Variants in TMEM178B observed in about 807,000 individuals in gnomAD.
The protein encoded by TMEM178B is transmembrane protein 178B.
In TMEM178B, 5 loss-of-function variants were observed where a neutral mutation model predicts 31.0. The observed-to-expected ratio is 0.16, with a 90% CI of 0.08 to 0.34. TMEM178B has a LOEUF of 0.34. TMEM178B is among the 10% of genes least tolerant of loss of function. TMEM178B has a pLI of 1.00. For synonymous variants in TMEM178B, 164 were observed against 164.0 expected, an observed-to-expected ratio of 1.00 and a Z score of 0.00; for missense variants, 275 against 400.3, an observed-to-expected ratio of 0.69 and a Z score of 2.67.
intron 1 of TMEM178B, among the ~76,000 whole-genome samples, chr7:141,136,790 C>G (rs939427209): frequency 1.3e-5 from 2 of 152,164 alleles, no homozygotes; most frequent in East Asian, 3.9e-4. Flanking sequence ...TGCTTGAGCC[C>G]AGGAGTTCAA....
chr7:141,363,647 T>G (rs1349143152), intron 2 of TMEM178B, among the ~76,000 whole-genome samples: 1 of 152,204 alleles, frequency 6.6e-6, no homozygotes, highest in African/African-American at 2.4e-5. Flanking sequence ...CTGTCCTTCG[T>G]TTATCTTCAG....
At chr7:141,448,799 C>G (rs1801808424) in intron 3 of TMEM178B, among the ~76,000 whole-genome samples, 1 of 152,160 alleles carries the variant, frequency 6.6e-6, no homozygotes, top group African/African-American at 2.4e-5. Context: ...CCCCGACACC[C>G]TGAGGTCTCC....
At chr7:141,447,086 C>T (rs879372593) in intron 3 of TMEM178B, among the ~76,000 whole-genome samples, 3 of 151,990 alleles carry the variant, frequency 2.0e-5, no homozygotes, top group African/African-American at 4.8e-5. Context: ...CAGACACTGT[C>T]GAGGCACCTA....
chr7:141,159,559 CGACA>C lies in TMEM178B; in HGVS notation c.383-53027_383-53024del, dbSNP rs762474919. ...AGGCGGAAGCAACCCACGTGTTCAC[CGACA>C]GACAAATGGATAAACAAAATGTGGC... On this transcript the variant is annotated intron_variant, in intron 1 of 3. Coordinates refer to ENST00000565468, the MANE Select transcript of TMEM178B (RefSeq NM_001195278.2). 6.5e-4 allele frequency among the ~76,000 whole-genome samples: 99 copies of C among 152,210 alleles called. 1 individual carries two copies. In the East Asian group the frequency reaches 0.015, roughly 23 times the overall value.
At chr7:141,221,432 A>G (rs1797255172) in intron 2 of TMEM178B, among the ~76,000 whole-genome samples, 1 of 152,252 alleles carries the variant, frequency 6.6e-6, no homozygotes, top group African/African-American at 2.4e-5. Context: ...ACCTGCATCA[A>G]TAAAGTCAGT....
chr7:141,410,577 G>T (rs1270561547), intron 2 of TMEM178B, among the ~76,000 whole-genome samples: 1 of 148,946 alleles, frequency 6.7e-6, no homozygotes, highest in Admixed American at 6.7e-5. Flanking sequence ...CCCAGGTCAG[G>T]GTAATGGGTT....
chr7:141,150,882 A>G (rs1795962201), intron 1 of TMEM178B, among the ~76,000 whole-genome samples: 1 of 152,174 alleles, frequency 6.6e-6, no homozygotes, highest in Non-Finnish European at 1.5e-5. Flanking sequence ...GATAAGCAGG[A>G]TAATATGGAA....
chr7:141,462,068 G>A (rs1433612025), intron 3 of TMEM178B, among the ~76,000 whole-genome samples: 2 of 152,132 alleles, frequency 1.3e-5, no homozygotes, highest in African/African-American at 4.8e-5. Flanking sequence ...GGGATTCACT[G>A]ATGTCGTCAC....
chr7:141,141,806 G>C (rs1225199980), intron 1 of TMEM178B, among the ~76,000 whole-genome samples: 1 of 152,118 alleles, frequency 6.6e-6, no homozygotes, highest in Non-Finnish European at 1.5e-5. Context: ...TTAAAGAAAA[G>C]TTAGACTGAT....
At chr7:141,303,679 T>C (rs559104051) in intron 2 of TMEM178B, among the ~76,000 whole-genome samples, 2 of 152,352 alleles carry the variant, frequency 1.3e-5, no homozygotes, top group African/African-American at 4.8e-5. Context: ...CAATGATTCC[T>C]ACTTTATGCC....
In TMEM178B at chr7:141,474,192, G is replaced by A. The variant is rs1802314075; in HGVS notation, c.*3406G>A. 6.6e-6 allele frequency: 1 copy of A among 152,136 alleles called. No individual in the cohort carries two copies. Among genetic ancestry groups the A allele is most frequent in the African/African-American group, 2.4e-5 (1 of 41,418 alleles). 9.4% of individuals were successfully genotyped at this position (152,136 alleles called of 1,614,324 possible). On this transcript the variant is annotated 3_prime_UTR_variant, in exon 4 of 4. Transcript: ENST00000565468. ...ATTTCCTTCCCTACTCTACTACCTT[G>A]AGATTCAGGAAAGTGAGGTATTCTA...
chr7:141,376,662 G>A (rs1800220447), intron 2 of TMEM178B, among the ~76,000 whole-genome samples: 1 of 152,110 alleles, frequency 6.6e-6, no homozygotes, highest in African/African-American at 2.4e-5. Context: ...AAATCCAATA[G>A]GTTGGAGCAA....
intron 1 of TMEM178B, among the ~76,000 whole-genome samples, chr7:141,080,176 G>A (rs562693789): frequency 2.0e-5 from 3 of 152,224 alleles, no homozygotes; most frequent in Admixed American, 6.5e-5. Context: ...TATTTACTTC[G>A]CTTGCTGTGG....
At chr7:141,169,132 A>G (rs1796306198) in intron 1 of TMEM178B, among the ~76,000 whole-genome samples, 1 of 152,130 alleles carries the variant, frequency 6.6e-6, no homozygotes, top group Admixed American at 6.5e-5. Context: ...TGTACAGATT[A>G]TTTTATCACT....
At chr7:141,429,717 A>G (rs545322154) in intron 2 of TMEM178B, 1 of 152,346 alleles carries the variant, frequency 6.6e-6, no homozygotes, top group East Asian at 1.9e-4. Flanking sequence ...CACAAAAGTG[A>G]TAACTGTGTG....
intron 1 of TMEM178B, among the ~76,000 whole-genome samples, chr7:141,195,938 A>C (rs1344474595): frequency 6.6e-6 from 1 of 152,164 alleles, no homozygotes; most frequent in East Asian, 1.9e-4. Context: ...TATCACAAGA[A>C]TAGCACAGGA....
intron 1 of TMEM178B, among the ~76,000 whole-genome samples, chr7:141,108,932 C>T (rs1184213290): frequency 1.3e-5 from 2 of 152,142 alleles, no homozygotes; most frequent in Non-Finnish European, 1.5e-5. Context: ...GCCTCACAAT[C>T]ATGGTGGGAG....
chr7:141,380,051 A>G (rs911824661), intron 2 of TMEM178B, among the ~76,000 whole-genome samples: 1 of 152,172 alleles, frequency 6.6e-6, no homozygotes, highest in African/African-American at 2.4e-5. Flanking sequence ...TTAGCTCACC[A>G]CCCTCTACCC....
intron 1 of TMEM178B, among the ~76,000 whole-genome samples, chr7:141,080,445 C>T (rs924718606): frequency 1.3e-5 from 2 of 152,094 alleles, no homozygotes; most frequent in East Asian, 3.9e-4. Context: ...ATGGTTGAAA[C>T]CCTGTGTCTA....
Sources: gnomAD v4.1 joint callset for allele counts (sites outside exome capture counted in the v4.1 genomes callset) on GRCh38, gnomAD v4.1.1 for gene constraint, MANE v1.5 for transcripts, NCBI Gene and HGNC (gene_info 2026-07-23, HGNC 2026-07-21) for gene names.